The following FHIT variants were observed in gnomAD, a reference collection of about 807,000 sequenced individuals.
The protein encoded by FHIT is fragile histidine triad diadenosine triphosphatase, also known as bis(5'-adenosyl)-triphosphatase.
Under a neutral mutation model 17.9 loss-of-function variants are expected in FHIT, and 19 were observed. The observed-to-expected ratio is 1.06, with a 90% CI of 0.74 to 1.56. FHIT has a LOEUF of 1.56. FHIT is among the 40% of genes most tolerant of loss of function. The pLI is 0.00. For synonymous variants in FHIT, 81 were observed against 69.7 expected (o/e 1.16, Z -0.81); for missense variants, 248 against 189.2 (o/e 1.31, Z -1.82).
chr3:60,527,030 C>T (rs192533401), intron 5 of FHIT, among the ~76,000 whole-genome samples: 35 of 152,320 alleles, frequency 2.3e-4, no homozygotes, highest in African/African-American at 7.2e-4. Flanking sequence ...CTGCTGCTGC[C>T]TCTCAGTAAT....
At chr3:60,669,625 G>C (rs1559627554) in intron 4 of FHIT, among the ~76,000 whole-genome samples, 1 of 152,088 alleles carries the variant, frequency 6.6e-6, no homozygotes, top group Non-Finnish European at 1.5e-5. Context: ...TGAAAGATGA[G>C]CATAAAACAC....
chr3:60,052,604 C>A (rs533871423), intron 5 of FHIT, among the ~76,000 whole-genome samples: 56 of 152,012 alleles, frequency 3.7e-4, no homozygotes, highest in African/African-American at 1.3e-3. Context: ...CCTGCCTTTT[C>A]CTGGGAATCA....
At chr3:60,145,082 T>TC (rs1700183391) in intron 5 of FHIT, among the ~76,000 whole-genome samples, 1 of 152,132 alleles carries the variant, frequency 6.6e-6, no homozygotes, top group Admixed American at 6.6e-5. Flanking sequence ...CCCTCAGTAT[T>TC]CCCCTTCAAC....
intron 3 of FHIT, among the ~76,000 whole-genome samples, chr3:60,919,056 C>T (rs1553767696): frequency 6.6e-6 from 1 of 152,096 alleles, no homozygotes; most frequent in African/African-American, 2.4e-5. Flanking sequence ...CCTACCCAGA[C>T]ACAAAGCAGA....
intron 8 of FHIT, among the ~76,000 whole-genome samples, chr3:59,858,553 G>A (rs1000886324): frequency 1.8e-4 from 27 of 152,004 alleles, no homozygotes; most frequent in African/African-American, 6.5e-4. Flanking sequence ...GGAGAGAAAT[G>A]ATAGCATCTG....
chr3:60,609,630 C>T (rs560183116), intron 4 of FHIT, among the ~76,000 whole-genome samples: 5 of 152,062 alleles, frequency 3.3e-5, no homozygotes, highest in Admixed American at 3.3e-4. Context: ...CAGCCCTTAG[C>T]CTTTTGCTTC....
At chr3:60,675,276 A>G (rs1353759074) in intron 4 of FHIT, among the ~76,000 whole-genome samples, 2 of 152,204 alleles carry the variant, frequency 1.3e-5, no homozygotes, top group Non-Finnish European at 2.9e-5. Context: ...ACCACCATCA[A>G]CACTTGAACT....
chr3:60,886,219 T>C (rs1553759229), intron 3 of FHIT, among the ~76,000 whole-genome samples: 3 of 152,196 alleles, frequency 2.0e-5, no homozygotes, highest in African/African-American at 4.8e-5. Context: ...TGGCTAAAAA[T>C]AGGCCAATTG....
chr3:60,012,454 G>A (rs1162036181), intron 6 of FHIT, among the ~76,000 whole-genome samples: 2 of 151,370 alleles, frequency 1.3e-5, no homozygotes, highest in African/African-American at 4.9e-5. Flanking sequence ...TTTTTCTTAG[G>A]GACAGGGTTT....
At position 60,261,146 on chromosome 3, in the gene FHIT, T is replaced by C. The variant is rs149960641; in HGVS notation, c.104-246994A>G. ...CACTTTACTTTTTGGAATACAAAAG[T>C]ATTTTGGAATAAAAAAAGTACTTAT... On this transcript the variant is annotated intron_variant, in intron 5 of 9. Coordinates refer to ENST00000492590, the MANE Select transcript of FHIT (RefSeq NM_002012.4). Among the ~76,000 whole-genome samples the C allele has an allele frequency of 6.8e-3, 1,032 of 152,156 alleles. 10 individuals are homozygous for C. The highest frequency in any genetic ancestry group is 0.024 in the African/African-American group (988 of 41,538).
chr3:60,506,731 C>A (rs2034746496), intron 5 of FHIT, among the ~76,000 whole-genome samples: 2 of 152,108 alleles, frequency 1.3e-5, no homozygotes, highest in Non-Finnish European at 2.9e-5. Context: ...CAGATAGGGG[C>A]TGCTTCTTCA....
intron 2 of FHIT, among the ~76,000 whole-genome samples, chr3:61,187,618 C>A (rs1216737758): frequency 6.6e-6 from 1 of 152,206 alleles, no homozygotes; most frequent in Non-Finnish European, 1.5e-5. Flanking sequence ...CCCAAATCAA[C>A]AGAATATACA....
At chr3:60,231,663 T>C (rs376021509) in intron 5 of FHIT, among the ~76,000 whole-genome samples, 43 of 152,216 alleles carry the variant, frequency 2.8e-4, no homozygotes, top group African/African-American at 9.9e-4. Context: ...ATGTGTCAAG[T>C]GCTTTACGTG....
At chr3:60,584,331 G>A (rs1176752295) in intron 4 of FHIT, among the ~76,000 whole-genome samples, 7 of 151,910 alleles carry the variant, frequency 4.6e-5, no homozygotes, top group African/African-American at 1.7e-4. Context: ...ACATTGGCCA[G>A]CATACCTCTA....
At chr3:59,996,663 AG>A (rs1699524663) in intron 7 of FHIT, among the ~76,000 whole-genome samples, 1 of 152,154 alleles carries the variant, frequency 6.6e-6, no homozygotes, top group African/African-American at 2.4e-5. Context: ...GCCTACTGAA[AG>A]AAAAATGATT....
At chr3:60,525,297 G>A (rs542461497) in intron 5 of FHIT, among the ~76,000 whole-genome samples, 1 of 152,124 alleles carries the variant, frequency 6.6e-6, no homozygotes, top group African/African-American at 2.4e-5. Flanking sequence ...ATAATTAAAA[G>A]AATATTCCTC....
At chr3:61,154,379 C>A (rs552716977) in intron 2 of FHIT, among the ~76,000 whole-genome samples, 8 of 151,820 alleles carry the variant, frequency 5.3e-5, no homozygotes, top group Non-Finnish European at 1.0e-4. Flanking sequence ...GAAGGAAGAA[C>A]CTGCAGAATC....
chr3:60,610,178 A>C (rs1553672938), intron 4 of FHIT, among the ~76,000 whole-genome samples: 1 of 152,192 alleles, frequency 6.6e-6, no homozygotes, highest in East Asian at 1.9e-4. Flanking sequence ...ATTGCTGTGC[A>C]CTTGCATAGT....
At chr3:61,019,254 T>A (rs1157670359) in intron 3 of FHIT, among the ~76,000 whole-genome samples, 5 of 152,228 alleles carry the variant, frequency 3.3e-5, no homozygotes, top group Non-Finnish European at 7.3e-5. Context: ...AGAGATTAGT[T>A]CAAAGAGTTG....
Sources: gnomAD v4.1 joint callset for allele counts (sites outside exome capture counted in the v4.1 genomes callset) on GRCh38, gnomAD v4.1.1 for gene constraint, MANE v1.5 for transcripts, NCBI Gene and HGNC (gene_info 2026-07-23, HGNC 2026-07-21) for gene names.